Variants in TNNT3 observed in about 807,000 individuals in gnomAD.
TNNT3 encodes the protein troponin T, fast skeletal muscle.
TNNT3 carries 36 observed loss-of-function variants against 54.2 expected under a neutral mutation model. The ratio of observed to expected loss-of-function variants is 0.66; its 90% CI spans 0.51 to 0.88. The LOEUF (loss-of-function observed/expected upper bound fraction) is 0.88, where lower values mean the gene tolerates loss of function less well. Among genes scored for constraint, TNNT3 ranks in the 40% least tolerant of loss-of-function variants. The pLI, the probability that TNNT3 is intolerant of heterozygous loss-of-function variation, is 0.00. For missense variants in TNNT3, 291 were observed against 331.6 expected (o/e 0.88, Z 0.95); for synonymous variants, 120 against 109.7 (o/e 1.09, Z -0.59).
At chr11:1,926,347 C>G in intron 5 of TNNT3, 1 of 1,225,006 alleles carries the variant, frequency 8.2e-7, no homozygotes, top group Non-Finnish European at 1.2e-6. Flanking sequence ...TGCTCGCTCC[C>G]CGCACGCACC....
chr11:1,936,863 C>T (rs1341542277), intron 14 of TNNT3, 100 bp from the exon 15 acceptor site: 14 of 1,277,438 alleles, frequency 1.1e-5, no homozygotes, highest in Admixed American at 2.0e-5. Flanking sequence ...AGCCCTGGGT[C>T]GCGCAGCCCA....
chr11:1,925,503 T>C (rs1589907562), intron 5 of TNNT3: 1 of 619,416 alleles, frequency 1.6e-6, no homozygotes, highest in East Asian at 2.8e-5. Context: ...CCCCAGGCAG[T>C]AGGGCCAGGG....
At chr11:1,926,101 G>T (rs376840179) in intron 5 of TNNT3, among the ~76,000 whole-genome samples, 1 of 152,152 alleles carries the variant, frequency 6.6e-6, no homozygotes, top group Admixed American at 6.5e-5. Context: ...TTGGTGCCCC[G>T]GCCAGAGGCG....
At chr11:1,930,636 C>T (rs972829351) in intron 8 of TNNT3, among the ~76,000 whole-genome samples, 7 of 152,138 alleles carry the variant, frequency 4.6e-5, no homozygotes, top group Non-Finnish European at 8.8e-5. Flanking sequence ...TTGCTCTGTG[C>T]GAAGTGGAAT....
chr11:1,921,566 A>G (rs1373587832), intron 1 of TNNT3: 1 of 152,182 alleles, frequency 6.6e-6, no homozygotes, highest in African/African-American at 2.4e-5. Flanking sequence ...TCAGGAAGAG[A>G]TTCTGGGATA....
rs763416273 is a variant in TNNT3 at position 1,934,661 on chromosome 11, G to A, written c.590+6G>A. The A allele has an allele frequency of 6.2e-7, 1 of 1,608,572 alleles. No homozygotes were observed. Among genetic ancestry groups the A allele is most frequent in the Non-Finnish European group, 8.5e-7 (1 of 1,177,956 alleles). The stretch of plus-strand genomic sequence containing the variant: ...CTTGGTGAAGACAAACTGAGGTGAG[G>A]GGTGGGTGTTGTGGGGCTCAGCCCC... On this transcript the variant is annotated splice_donor_region_variant and intron_variant, in intron 13 of 15. Coordinates refer to ENST00000278317, the MANE Select transcript of TNNT3 (RefSeq NM_006757.4).
At chr11:1,922,726 C>T in intron 1 of TNNT3, 131 bp from the exon 2 acceptor site, 1 of 846,652 alleles carries the variant, frequency 1.2e-6, no homozygotes, top group Non-Finnish European at 1.9e-6. Context: ...AAGGCCAGAG[C>T]TGGCCCCCAA....
rs574893845 is a variant in TNNT3, at chr11:1,936,835, C to G, written c.682-128C>G. ...AGGAGACAGTAAGGGAGCCGAGGAG[C>G]CCTCATGGGGGCCCAGCAGCCCTGG... is the stretch of plus-strand genomic sequence containing the variant. On this transcript the variant is annotated intron_variant, in intron 14 of 15. Transcript: ENST00000278317. The G allele has an allele frequency of 3.4e-4, 312 of 913,510 alleles. No homozygotes were observed. In the African/African-American group the frequency reaches 4.5e-3, roughly 13 times the overall value. The allele number at this position is 913,510 out of a possible 1,614,324, so 56.6% of individuals were successfully genotyped here. A position where few individuals can be genotyped will look rare whatever the true frequency, so the allele number is the denominator to read the frequency against.
intron 6 of TNNT3, chr11:1,927,825 T>C (rs1383856372): frequency 6.6e-6 from 1 of 152,352 alleles, no homozygotes; most frequent in Non-Finnish European, 1.5e-5. Context: ...GCAAAACCAC[T>C]AAGTCAGGGA....
At chr11:1,922,109 G>A (rs1026058600) in intron 1 of TNNT3, among the ~76,000 whole-genome samples, 3 of 152,214 alleles carry the variant, frequency 2.0e-5, no homozygotes, top group African/African-American at 7.2e-5. Flanking sequence ...CGGCCCGGGG[G>A]GGTGCACGGG....
intron 9 of TNNT3, 60 bp downstream of exon 9, chr11:1,932,574 C>A (rs1034607023): frequency 4.5e-6 from 7 of 1,562,426 alleles, no homozygotes; most frequent in African/African-American, 1.4e-5. Context: ...AGCTTTTGGG[C>A]TCTAGGCCTC....
At chr11:1,937,762 C>T (rs902634734) in intron 15 of TNNT3, among the ~76,000 whole-genome samples, 1 of 152,188 alleles carries the variant, frequency 6.6e-6, no homozygotes, top group Admixed American at 6.5e-5. Flanking sequence ...CGTGACCTCA[C>T]GGCCTCCCTG....
chr11:1,926,343 C>T (rs903092216), intron 5 of TNNT3: 3 of 1,178,776 alleles, frequency 2.5e-6, no homozygotes, highest in Non-Finnish European at 3.8e-6. Context: ...GTCTTGCTCG[C>T]TCCCCGCACG....
chr11:1,926,690 T>C lies in TNNT3; in HGVS notation c.68-5T>C, dbSNP rs769760333. 5.6e-6 allele frequency: 9 copies of C among 1,613,472 alleles called. No homozygotes were observed. The highest frequency in any genetic ancestry group is 7.6e-6 in the Non-Finnish European group (9 of 1,180,020). ...CTTTCTGCCACCATGACGCTGCTTC[T>C]GCAGAGGAAGTTCAAGAAGGTACGC... On this transcript the variant is annotated splice_polypyrimidine_tract_variant and splice_region_variant and intron_variant, in intron 5 of 15. Coordinates refer to ENST00000278317, the MANE Select transcript of TNNT3 (RefSeq NM_006757.4).
At chr11:1,932,203 C>T (rs1853583756) in intron 8 of TNNT3, among the ~76,000 whole-genome samples, 1 of 152,258 alleles carries the variant, frequency 6.6e-6, no homozygotes, top group Admixed American at 6.5e-5. Flanking sequence ...GGTGCAGTGA[C>T]ATTGCAATGG....
chr11:1,938,304 G>C (rs2133563874), intron 15 of TNNT3, 134 bp from the exon 16 acceptor site: 2 of 953,546 alleles, frequency 2.1e-6, no homozygotes, highest in South Asian at 2.6e-5. Context: ...GCTGGGTGTG[G>C]GCCGCAAGCT....
rs532339983 is a variant in TNNT3, at chr11:1,926,111, G to A, written c.68-584G>A. Among the ~76,000 whole-genome samples, 11 of 152,280 alleles carry A rather than the reference G, an allele frequency of 7.2e-5. No individual in the cohort carries two copies. The East Asian group carries it at 9.7e-4, about 13-fold the overall frequency. ...GGGCCTTGGTGCCCCGGCCAGAGGC[G>A]CGGACACCCTTCTGGGGGCGCCCCA... On this transcript the variant is annotated intron_variant, in intron 5 of 15. Transcript: ENST00000278317.
intron 1 of TNNT3, among the ~76,000 whole-genome samples, chr11:1,921,128 G>T (rs1850011698): frequency 6.6e-6 from 1 of 152,164 alleles, no homozygotes; most frequent in South Asian, 2.1e-4. Context: ...AGGAGGGCTG[G>T]GCTGTCACAC....
At chr11:1,919,625 C>T (rs1191761557), upstream of TNNT3, 1 of 152,336 alleles carries the variant, frequency 6.6e-6, no homozygotes, top group Non-Finnish European at 1.5e-5. Flanking sequence ...CGCACACACC[C>T]CGGCCACCCA....
Sources: gnomAD v4.1 joint callset for allele counts (sites outside exome capture counted in the v4.1 genomes callset) on GRCh38, gnomAD v4.1.1 for gene constraint, MANE v1.5 for transcripts, NCBI Gene and HGNC (gene_info 2026-07-23, HGNC 2026-07-21) for gene names.